Variants in FBXO42 observed in about 807,000 individuals in gnomAD.
FBXO42 encodes the protein F-box protein 42.
A neutral mutation model predicts 71.7 loss-of-function variants in FBXO42; 12 were observed. The ratio of observed to expected loss-of-function variants is 0.17; its 90% confidence interval spans 0.11 to 0.27. FBXO42 has a LOEUF of 0.27. Among genes scored for constraint, FBXO42 ranks in the 10% least tolerant of loss-of-function variants. The pLI, the probability that FBXO42 is intolerant of heterozygous loss-of-function variation, is 1.00. For synonymous variants in FBXO42, 325 were observed against 327.5 expected (o/e 0.99, Z 0.08); for missense variants, 707 against 911.9 (o/e 0.78, Z 2.89).
In FBXO42 at chr1:16,291,370, C is replaced by CT. The variant is rs974875709; in HGVS notation, c.502+3412dup. Among the ~76,000 whole-genome samples the CT allele has an allele frequency of 2.2e-3, 318 of 145,598 alleles. 1 individual carries two copies. The highest frequency in any genetic ancestry group is 4.7e-3 in the Admixed American group (68 of 14,462). On this transcript the variant is annotated intron_variant, in intron 4 of 9. Transcript: ENST00000375592. ...CTGCCTAAATGAGAATCTCATGGGA[C>CT]TTTTTTTTTTTTAATTTATTATTTT...
chr1:16,268,428 G>A (rs1046170624), intron 4 of FBXO42, among the ~76,000 whole-genome samples: 10 of 152,098 alleles, frequency 6.6e-5, no homozygotes, highest in Admixed American at 5.9e-4. Flanking sequence ...AAACAAGAAG[G>A]ATTTCTTCCT....
chr1:16,281,377 C>A (rs1313524341), intron 4 of FBXO42, among the ~76,000 whole-genome samples: 10 of 152,146 alleles, frequency 6.6e-5, no homozygotes, highest in African/African-American at 2.2e-4. Flanking sequence ...TCCCTAACAA[C>A]CTCTCAAGGT....
At chr1:16,269,167 C>A (rs2081811428) in intron 4 of FBXO42, among the ~76,000 whole-genome samples, 1 of 147,758 alleles carries the variant, frequency 6.8e-6, no homozygotes. Context: ...TGCAGTGGTG[C>A]AATTTCAGCT....
At chr1:16,314,781 G>A (rs2082346746) in intron 2 of FBXO42, among the ~76,000 whole-genome samples, 2 of 151,998 alleles carry the variant, frequency 1.3e-5, no homozygotes, top group African/African-American at 4.8e-5. Flanking sequence ...CTACTCTGGA[G>A]GCTGAGGCAG....
rs1216249256 is a variant in FBXO42 at position 16,248,262 on chromosome 1, G to A, written c.*2408C>T. On this transcript the variant is annotated 3_prime_UTR_variant, in exon 10 of 10. Coordinates refer to ENST00000375592, the MANE Select transcript of FBXO42 (RefSeq NM_018994.3). The stretch of plus-strand genomic sequence containing the variant: ...GTTGAATCACTTTCCCATGGTACAC[G>A]CCCACAGTGCCCAGGAGCTACCAAG... The A allele has an allele frequency of 1.3e-5, 2 of 152,152 alleles. No homozygotes were observed. Among genetic ancestry groups the A allele is most frequent in the Non-Finnish European group, 2.9e-5 (2 of 68,036 alleles). 9.4% of individuals were successfully genotyped at this position (152,152 alleles called of 1,614,324 possible).
intron 1 of FBXO42, among the ~76,000 whole-genome samples, chr1:16,340,843 G>A (rs2082597651): frequency 6.6e-6 from 1 of 152,142 alleles, no homozygotes; most frequent in African/African-American, 2.4e-5. Context: ...GGAAAGTGAG[G>A]TCAGAAAACC....
intron 4 of FBXO42, among the ~76,000 whole-genome samples, chr1:16,286,856 T>C (rs1387217224): frequency 6.6e-6 from 1 of 152,224 alleles, no homozygotes; most frequent in Non-Finnish European, 1.5e-5. Context: ...GATTGCTTTC[T>C]TTCTCTTTCC....
At chr1:16,308,949 G>A (rs565616301) in intron 2 of FBXO42, among the ~76,000 whole-genome samples, 2 of 149,732 alleles carry the variant, frequency 1.3e-5, no homozygotes, top group South Asian at 4.2e-4. Context: ...CACCATGTTG[G>A]CCAAGCTGGT....
Position 16,252,255 on chromosome 1 carries a change from G to T in FBXO42, c.1038+33C>A. 6.6e-7 allele frequency: 1 copy of T among 1,513,208 alleles called. No individual in the cohort carries two copies. Among genetic ancestry groups the T allele is most frequent in the South Asian group, 1.1e-5 (1 of 89,172 alleles). 93.7% of individuals were successfully genotyped at this position (1,513,208 alleles called of 1,614,324 possible). A position where few individuals can be genotyped will look rare whatever the true frequency, so the allele number is the denominator to read the frequency against. On this transcript the variant is annotated intron_variant, in intron 9 of 9. Transcript: ENST00000375592. The surrounding 1 kb of genome is among the most constrained non-coding windows in gnomAD (Gnocchi z 4.4). ...TGTGGTTTTCCACAATTTAGGACCT[G>T]TCCTCCTGCTAGCCTGTCAGCTCCC... is the stretch of plus-strand genomic sequence containing the variant.
In FBXO42 at chr1:16,345,224, C is replaced by T. The variant is rs559735215; in HGVS notation, c.-18+7031G>A. 3.3e-5 allele frequency among the ~76,000 whole-genome samples: 5 copies of T among 150,858 alleles called. No homozygotes were observed. In the East Asian group the frequency reaches 9.9e-4, roughly 30 times the overall value. On this transcript the variant is annotated intron_variant, in intron 1 of 9. Transcript: ENST00000375592. ...GGATCACGAGGCCAGGAGTTCGAGA[C>T]CAGCCTGGCCAACATGGTGATACCC...
chr1:16,346,103 T>C (rs1338149631), intron 1 of FBXO42, among the ~76,000 whole-genome samples: 2 of 152,218 alleles, frequency 1.3e-5, no homozygotes, highest in Non-Finnish European at 2.9e-5. Context: ...CCATGTACAA[T>C]ATAGTGATAC....
At chr1:16,253,437 T>C (rs925946758) in intron 7 of FBXO42, 198 bp downstream of exon 7, 12 of 601,076 alleles carry the variant, frequency 2.0e-5, no homozygotes, top group Non-Finnish European at 2.6e-5. Flanking sequence ...GTAAATGCTT[T>C]GGGGAGGAGC....
intron 1 of FBXO42, among the ~76,000 whole-genome samples, chr1:16,350,559 C>T (rs2082688840): frequency 8.1e-6 from 1 of 123,646 alleles, no homozygotes; most frequent in Admixed American, 9.5e-5. Context: ...GAAACCCCGT[C>T]TCTACTAAAA....
At chr1:16,316,169 C>CAAAAAAAAAAAAAAAAAAAA (rs58485035) in intron 1 of FBXO42, among the ~76,000 whole-genome samples, 1 of 109,076 alleles carries the variant, frequency 9.2e-6, no homozygotes, top group African/African-American at 3.6e-5. Context: ...ACCTCCATCT[C>CAAAAAAAAAAAAAAAAAAAA]AAAAAAAAAA....
chr1:16,266,960 T>C (rs576860419), intron 4 of FBXO42, among the ~76,000 whole-genome samples: 4 of 152,308 alleles, frequency 2.6e-5, no homozygotes, highest in African/African-American at 9.6e-5. Context: ...CAAAACTATT[T>C]TGATTTTACA....
intron 3 of FBXO42, among the ~76,000 whole-genome samples, chr1:16,298,386 T>A (rs966547078): frequency 6.6e-6 from 1 of 152,194 alleles, no homozygotes; most frequent in African/African-American, 2.4e-5. Context: ...CTTGACCTAG[T>A]AATCCTAAAA....
chr1:16,305,672 C>T (rs2082242402), intron 3 of FBXO42, 131 bp downstream of exon 3: 1 of 740,052 alleles, frequency 1.4e-6, no homozygotes, highest in East Asian at 2.5e-5. Context: ...TGTGATTATG[C>T]CACTGCACTC....
intron 4 of FBXO42, among the ~76,000 whole-genome samples, chr1:16,289,508 G>A (rs751371639): frequency 5.9e-5 from 9 of 151,680 alleles, no homozygotes; most frequent in African/African-American, 2.2e-4. Flanking sequence ...GCTTGCTCCT[G>A]TCTTTATCTC....
intron 4 of FBXO42, among the ~76,000 whole-genome samples, chr1:16,265,660 G>GA (rs529566021): frequency 6.1e-4 from 70 of 114,718 alleles, no homozygotes; most frequent in Non-Finnish European, 6.0e-4. Context: ...AACTAAAAAA[G>GA]AAAAAAAAAA....
Sources: allele counts gnomAD v4.1 joint callset (sites outside exome capture counted in the v4.1 genomes callset), GRCh38; gene constraint gnomAD v4.1.1; non-coding constraint Gnocchi (gnomAD v3.1); transcripts MANE v1.5; gene names NCBI Gene and HGNC (gene_info 2026-07-23, HGNC 2026-07-21).